ZFYVE26: variants seen among roughly 807,000 people sequenced by gnomAD.
The protein encoded by ZFYVE26 is zinc finger FYVE domain-containing protein 26.
ZFYVE26 carries 181 observed loss-of-function variants against 276.5 expected under a neutral mutation model. The observed-to-expected ratio is 0.65, with a 90% CI of 0.58 to 0.74. ZFYVE26 has a LOEUF of 0.74. Ranked by LOEUF, ZFYVE26 falls within the 30% of genes least tolerant of loss-of-function variation. The pLI is 0.00. For synonymous variants in ZFYVE26, 1,129 were observed against 1,203.1 expected (o/e 0.94, Z 1.27); for missense variants, 2,821 against 3,097.9 (o/e 0.91, Z 2.12).
chr14:67,748,588 C>T lies in ZFYVE26; in HGVS notation c.7468G>A (p.Val2490Met). The change falls in exon 42 of 42, where the codon GTG becomes ATG. Residue 2490 changes from valine (V) to methionine (M), a missense_variant. Coordinates refer to ENST00000347230, the MANE Select transcript of ZFYVE26 (RefSeq NM_015346.4). ...GTGGCCCGTGAGTGTTCTTGCTTCA[C>T]AGCAATCAAGTAGGCAGAACGCAGT... ...CKLRSAYLIA[V>M]KQEHSRATAL... 1 of 1,614,176 alleles carries T rather than the reference C, an allele frequency of 6.2e-7. No homozygotes were observed. The highest frequency in any genetic ancestry group is 8.5e-7 in the Non-Finnish European group (1 of 1,180,044).
rs184730708 is a variant in ZFYVE26, at chr14:67,735,082, C to T, written n.2680-5263G>A. ...ACCAACAGCAAATGACACCAAATAT[C>T]GGGAAGCTGAGCAGCAAAGAATGCA... On this transcript the variant is annotated intron_variant and non_coding_transcript_variant, in intron 13 of 14. Transcript: ENST00000394455. The T allele has an allele frequency of 4.4e-4, 319 of 720,970 alleles. 3 individuals are homozygous for T. Among genetic ancestry groups the T allele is most frequent in the East Asian group, 3.7e-3 (147 of 39,274 alleles). The allele number at this position is 720,970 out of a possible 1,614,324, so 44.7% of individuals were successfully genotyped here. A position where few individuals can be genotyped will look rare whatever the true frequency, so the allele number is the denominator to read the frequency against.
At chr14:67,735,745 A>G (rs547709051) in intron 13 of ZFYVE26, among the ~76,000 whole-genome samples, 2 of 152,178 alleles carry the variant, frequency 1.3e-5, no homozygotes, top group Admixed American at 1.3e-4. Context: ...CCCTTAGCTA[A>G]TCTAGCCTGG....
At position 67,775,200 on chromosome 14, in the gene ZFYVE26, T is replaced by C. The variant is rs540126922; in HGVS notation, c.5222-86A>G. On this transcript the variant is annotated intron_variant, in intron 26 of 41. Transcript: ENST00000347230. ...CCTAGGCATTTAGAACAAAGCTCTG[T>C]TGGCTTCTCTGATTGTCATTCCATG... The C allele has an allele frequency of 3.6e-4, 321 of 887,450 alleles. No individual in the cohort carries two copies. In the African/African-American group the frequency reaches 5.1e-3, roughly 14 times the overall value. 55.0% of individuals were successfully genotyped at this position (887,450 alleles called of 1,614,324 possible).
rs1224729069 is a variant in ZFYVE26, at chr14:67,778,211, G to C, written c.4712C>G (p.Pro1571Arg). The change falls in exon 24 of 42, where the codon CCC (proline) becomes CGC (arginine). Residue 1571 changes from proline to arginine, a missense_variant. By Grantham distance (103) the Pro-to-Arg change is moderately radical. Coordinates refer to ENST00000347230, the MANE Select transcript of ZFYVE26 (RefSeq NM_015346.4). Reference protein sequence around the residue: ...ELCEEWGCLYPIPREHLISLH... With the variant: ...ELCEEWGCLYRIPREHLISLH... ...GCTGATTAAATGTTCTCTTGGAATG[G>C]GGTACAGGCAGCCCCACTCTTCACA... The C allele has an allele frequency of 1.2e-6, 2 of 1,614,150 alleles. No homozygotes were observed. The highest frequency in any genetic ancestry group is 1.7e-6 in the Non-Finnish European group (2 of 1,180,016).
At position 67,789,445 on chromosome 14, in the gene ZFYVE26, G is replaced by A. The variant is rs769364228; in HGVS notation, c.2909C>T (p.Pro970Leu). 22 of 1,614,088 alleles carry A rather than the reference G, an allele frequency of 1.4e-5. No homozygotes were observed. The African/African-American group carries it at 2.7e-4, about 20-fold the overall frequency. Reference protein sequence around the residue: ...LREVLEDLSPPAMAAFDLACS... With the variant: ...LREVLEDLSPLAMAAFDLACS... ...AGCTAGGTCAAATGCAGCCATGGCA[G>A]GGGGACTGAGGTCTTCCAGAACCTC... Residue 970 changes from proline (P) to leucine (L), a missense_variant, in exon 16 of 42, where the codon CCT (proline) becomes CTT (leucine). Pro to Leu is a moderately conservative substitution (Grantham distance 98, BLOSUM62 -3). Coordinates refer to ENST00000347230, the MANE Select transcript of ZFYVE26 (RefSeq NM_015346.4).
chr14:67,771,503 G>C (rs1025547368), intron 28 of ZFYVE26, among the ~76,000 whole-genome samples: 5 of 152,208 alleles, frequency 3.3e-5, no homozygotes, highest in Admixed American at 2.0e-4. Context: ...CATCAGCGTT[G>C]AGCTGATGTG....
chr14:67,731,823 T>C (rs1344467278), intron 13 of ZFYVE26, among the ~76,000 whole-genome samples: 1 of 151,886 alleles, frequency 6.6e-6, no homozygotes, highest in Non-Finnish European at 1.5e-5. Context: ...ATTCTAGGTG[T>C]TTTTTTATTA....
At chr14:67,806,325 T>C (rs1185783039) in intron 6 of ZFYVE26, among the ~76,000 whole-genome samples, 1 of 152,246 alleles carries the variant, frequency 6.6e-6, no homozygotes, top group Non-Finnish European at 1.5e-5. Context: ...TTTTAGTTTC[T>C]GCCAAAGGAC....
chr14:67,802,367 A>G (rs2040095713), intron 9 of ZFYVE26, 85 bp from the exon 10 acceptor site: 12 of 1,386,232 alleles, frequency 8.7e-6, no homozygotes, highest in Non-Finnish European at 1.2e-5. Context: ...ATGCTGTGCC[A>G]TACTTAGAGG....
downstream of ZFYVE26, among the ~76,000 whole-genome samples, chr14:67,745,594 G>A (rs576043812): frequency 6.6e-6 from 1 of 152,116 alleles, no homozygotes; most frequent in East Asian, 1.9e-4. Flanking sequence ...CCTGAAGTGG[G>A]TGGCAAGAAA....
Position 67,802,267 on chromosome 14 carries a change from G to A in ZFYVE26, c.1451C>T (p.Pro484Leu), listed in dbSNP as rs773603195. ...ACACTGGCTCAGGTGCTCAGGGACTGGAGCATCAACTGCATCTGAATTACA... is the reference window on the plus strand; with the variant it reads ...ACACTGGCTCAGGTGCTCAGGGACTAGAGCATCAACTGCATCTGAATTACA... The part of the protein sequence containing the change: ...PQQEPDAVDA[P>L]VPEHLSQCQN... Residue 484 changes from proline to leucine, a missense_variant, in exon 10 of 42, where the codon CCA becomes CTA. Coordinates refer to ENST00000347230, the MANE Select transcript of ZFYVE26 (RefSeq NM_015346.4). 8.7e-6 allele frequency: 14 copies of A among 1,614,036 alleles called. No individual in the cohort carries two copies. The Admixed American group carries it at 2.0e-4, about 23-fold the overall frequency.
rs138347091 is a variant in ZFYVE26, at chr14:67,769,659, C to T, written c.5556G>A (p.Val1852=). 1.9e-6 allele frequency: 3 copies of T among 1,613,938 alleles called. No homozygotes were observed. The highest frequency in any genetic ancestry group is 1.3e-5 in the African/African-American group (1 of 74,894). ...CAGGGTTCTCTCTGCAGCCTTCAAC[C>T]ACCATTTTCTTAGTGGAGCAGGAGC... The part of the protein sequence containing the change: ...VCSSCSTKKM[V]VEGCRENPAR... Residue 1852 remains valine, a synonymous_variant, in exon 29 of 42, where the codon GTG becomes GTA. Coordinates refer to ENST00000347230, the MANE Select transcript of ZFYVE26 (RefSeq NM_015346.4).
At position 67,754,147 on chromosome 14, in the gene ZFYVE26, C is replaced by T. The variant is rs2038717472; in HGVS notation, c.7052G>A (p.Gly2351Glu). Residue 2351 changes from glycine (G) to glutamate (E), a missense_variant, in exon 38 of 42, where the codon GGG (glycine) becomes GAG (glutamate). Physicochemically the swap from Gly to Glu is moderately conservative, Grantham distance 98. Coordinates refer to ENST00000347230, the MANE Select transcript of ZFYVE26 (RefSeq NM_015346.4). ...TRFLHRCESA[G>E]TSQITTLPLP... is the part of the protein sequence containing the mutation. ...AGGCAAAGTGGTGATTTGAGAGGTCCCAGCACTTTCGCACCGATGCAAGAA... is the reference window on the plus strand; with the variant it reads ...AGGCAAAGTGGTGATTTGAGAGGTCTCAGCACTTTCGCACCGATGCAAGAA... 1 of 1,614,094 alleles carries T rather than the reference C, an allele frequency of 6.2e-7. No individual in the cohort carries two copies. Among genetic ancestry groups the T allele is most frequent in the Admixed American group, 1.7e-5 (1 of 60,000 alleles).
At chr14:67,812,220 CTA>C in intron 3 of ZFYVE26, among the ~76,000 whole-genome samples, 1 of 152,168 alleles carries the variant, frequency 6.6e-6, no homozygotes, top group South Asian at 2.1e-4. Flanking sequence ...TTAACCTGTC[CTA>C]TACTATGGAC....
chr14:67,808,767 T>A (rs545416622), intron 4 of ZFYVE26, among the ~76,000 whole-genome samples: 46 of 151,862 alleles, frequency 3.0e-4, no homozygotes, highest in Non-Finnish European at 6.2e-4. Context: ...AAAAAATAAG[T>A]ATTGGGCCTC....
intron 6 of ZFYVE26, 89 bp downstream of exon 6, chr14:67,806,455 TG>T: frequency 6.5e-7 from 1 of 1,542,230 alleles, no homozygotes; most frequent in Non-Finnish European, 8.9e-7. Flanking sequence ...TGCTTTATGG[TG>T]GCCAAATGAG....
Position 67,767,931 on chromosome 14 carries a change from A to G in ZFYVE26, c.5654-91T>C, listed in dbSNP as rs375771667. ...GAGCTGGCATGAGTTGCAGGTAGAC[A>G]CTTGCCTGCTATCTCAGGGCCCCTT... On this transcript the variant is annotated intron_variant, in intron 30 of 41. Coordinates refer to ENST00000347230, the MANE Select transcript of ZFYVE26 (RefSeq NM_015346.4). 7.1e-5 allele frequency: 111 copies of G among 1,556,162 alleles called. No homozygotes were observed. The African/African-American group carries it at 1.2e-3, about 17-fold the overall frequency.
At chr14:67,750,695 C>G in intron 41 of ZFYVE26, 1 of 358,694 alleles carries the variant, frequency 2.8e-6, no homozygotes, top group East Asian at 6.4e-5. Flanking sequence ...TACCTGCTTA[C>G]TCTGGGAACC....
In ZFYVE26 at chr14:67,762,828, A is replaced by G; in HGVS notation, c.6012-9T>C. On this transcript the variant is annotated splice_polypyrimidine_tract_variant and intron_variant, in intron 32 of 41. Transcript: ENST00000347230. ...CTACCTTGCTGATGTAGCTACAAGG[A>G]GGAAAAGGGCAAGGCCATGAGGCTC... is the stretch of plus-strand genomic sequence containing the variant. 1 of 1,613,780 alleles carries G rather than the reference A, an allele frequency of 6.2e-7. No homozygotes were observed. The highest frequency in any genetic ancestry group is 8.5e-7 in the Non-Finnish European group (1 of 1,180,028).
Sources: gnomAD v4.1 joint callset for allele counts (sites outside exome capture counted in the v4.1 genomes callset) on GRCh38, gnomAD v4.1.1 for gene constraint, MANE v1.5 for transcripts, NCBI Gene and HGNC (gene_info 2026-07-23, HGNC 2026-07-21) for gene names.